Variants in HLCS observed in about 807,000 individuals in gnomAD.
HLCS encodes the protein biotin--protein ligase.
HLCS carries 53 observed loss-of-function variants against 75.0 expected under a neutral mutation model. That is an observed-to-expected ratio of 0.71 (90% CI 0.57 to 0.89). The LOEUF (loss-of-function observed/expected upper bound fraction) is 0.89. HLCS is among the 40% of genes least tolerant of loss of function. The probability of loss-of-function intolerance (pLI) is 0.00; values close to 1 mark genes in which losing one functional copy is unlikely to be tolerated. For missense variants in HLCS, 966 were observed against 1,074.0 expected (o/e 0.90, Z 1.41); for synonymous variants, 431 against 428.6 (o/e 1.01, Z -0.07).
At position 36,894,322 on chromosome 21, in the gene HLCS, G is replaced by A. The variant is rs146657405; in HGVS notation, c.1892+2538C>T. Among the ~76,000 whole-genome samples, 45 of 152,222 alleles carry A rather than the reference G, an allele frequency of 3.0e-4. No individual in the cohort carries two copies. In the East Asian group the frequency reaches 6.6e-3, roughly 22 times the overall value. The stretch of plus-strand genomic sequence containing the variant: ...CAGTTCTTTATAGCAATGCGAGAAC[G>A]AACTGATACACTCATGTAGGATCAA... On this transcript the variant is annotated intron_variant, in intron 6 of 10. Transcript: ENST00000674895.
intron 6 of HLCS, among the ~76,000 whole-genome samples, chr21:36,818,983 T>G (rs979354690): frequency 1.3e-5 from 2 of 152,256 alleles, no homozygotes; most frequent in Admixed American, 6.5e-5. Flanking sequence ...CCCTCAAGAC[T>G]GACTGCGACA....
At chr21:36,773,821 C>T (rs886732433) in intron 6 of HLCS, among the ~76,000 whole-genome samples, 2 of 152,184 alleles carry the variant, frequency 1.3e-5, no homozygotes, top group African/African-American at 4.8e-5. Flanking sequence ...AACCCTGCTG[C>T]CCTCTGCTTA....
At chr21:36,978,498 C>CA (rs35614243) in intron 1 of HLCS, among the ~76,000 whole-genome samples, 1,472 of 138,654 alleles carry the variant, frequency 0.011, 26 homozygotes, top group African/African-American at 0.032. Context: ...CCACCTCAAA[C>CA]AAAAAAAAAA....
chr21:36,815,889 G>A (rs1185534593), intron 6 of HLCS, among the ~76,000 whole-genome samples: 2 of 152,148 alleles, frequency 1.3e-5, no homozygotes, highest in Non-Finnish European at 2.9e-5. Context: ...TAGGAAAATG[G>A]TAATTATTCT....
chr21:36,864,663 T>C (rs2063496672), intron 6 of HLCS, among the ~76,000 whole-genome samples: 1 of 152,228 alleles, frequency 6.6e-6, no homozygotes, highest in African/African-American at 2.4e-5. Context: ...AAAATATAAA[T>C]GTTTTAAATT....
At chr21:36,985,162 A>G (rs2069203457) in intron 1 of HLCS, among the ~76,000 whole-genome samples, 1 of 152,262 alleles carries the variant, frequency 6.6e-6, no homozygotes, top group East Asian at 1.9e-4. Context: ...AGGTATCAGC[A>G]TCCATCCAAT....
intron 6 of HLCS, chr21:36,806,284 G>C (rs1360603243): frequency 6.6e-6 from 1 of 152,408 alleles, no homozygotes; most frequent in Non-Finnish European, 1.5e-5. Context: ...TTGGAGCTAG[G>C]AGACTGGGAA....
chr21:36,970,782 G>C (rs1188307977), upstream of HLCS, among the ~76,000 whole-genome samples: 2 of 152,092 alleles, frequency 1.3e-5, no homozygotes, highest in East Asian at 1.9e-4. Flanking sequence ...CACGAGGTCA[G>C]GAGATCGAGA....
chr21:36,775,661 C>T (rs56276907), intron 6 of HLCS, among the ~76,000 whole-genome samples: 1 of 151,862 alleles, frequency 6.6e-6, no homozygotes, highest in Non-Finnish European at 1.5e-5. Context: ...GATCTTCTCA[C>T]CCCCCTTTTC....
chr21:36,923,083 C>A (rs1490107155), intron 5 of HLCS, among the ~76,000 whole-genome samples: 4 of 152,212 alleles, frequency 2.6e-5, no homozygotes, highest in Non-Finnish European at 4.4e-5. Flanking sequence ...GGTCCTTGGC[C>A]CTGCACCTGA....
intron 5 of HLCS, among the ~76,000 whole-genome samples, chr21:36,909,963 C>T (rs2065629318): frequency 6.6e-6 from 1 of 152,178 alleles, no homozygotes; most frequent in East Asian, 1.9e-4. Flanking sequence ...ATTAGTTGTG[C>T]TTCAGTCATA....
intron 6 of HLCS, among the ~76,000 whole-genome samples, chr21:36,808,510 G>C (rs956373755): frequency 1.3e-5 from 2 of 152,170 alleles, no homozygotes; most frequent in African/African-American, 4.8e-5. Context: ...CCTACAGTCA[G>C]TACTGTACAA....
At chr21:36,770,141 CTTTT>C (rs902358188) in intron 6 of HLCS, among the ~76,000 whole-genome samples, 4 of 103,632 alleles carry the variant, frequency 3.9e-5, no homozygotes, top group Non-Finnish European at 5.6e-5. Flanking sequence ...ACTATAGATG[CTTTT>C]TTTTTTTTTT....
At chr21:36,755,028 A>G (rs936649573) in intron 10 of HLCS, among the ~76,000 whole-genome samples, 6 of 152,332 alleles carry the variant, frequency 3.9e-5, no homozygotes, top group African/African-American at 1.4e-4. Flanking sequence ...CCAAATGAAA[A>G]TATTTTCTGT....
intron 5 of HLCS, among the ~76,000 whole-genome samples, chr21:36,916,440 C>T (rs539034249): frequency 6.6e-5 from 10 of 151,818 alleles, no homozygotes; most frequent in African/African-American, 2.4e-4. Flanking sequence ...ACAAACTCAA[C>T]TCCCGGGCTC....
intron 6 of HLCS, among the ~76,000 whole-genome samples, chr21:36,861,266 A>G (rs1206576438): frequency 6.6e-6 from 1 of 152,100 alleles, no homozygotes; most frequent in African/African-American, 2.4e-5. Context: ...CCCTACCACA[A>G]GAGACTGCCC....
intron 6 of HLCS, among the ~76,000 whole-genome samples, chr21:36,775,678 T>G (rs8127419): frequency 1 from 152,257 of 152,258 alleles, 76,128 homozygotes; most frequent in Non-Finnish European, 1. Flanking sequence ...TTTCAGGCTG[T>G]TCAGATCTCA....
At chr21:36,762,766 C>T (rs1201856752) in intron 8 of HLCS, among the ~76,000 whole-genome samples, 4 of 152,192 alleles carry the variant, frequency 2.6e-5, no homozygotes, top group Non-Finnish European at 2.9e-5. Flanking sequence ...CACAAATTCC[C>T]CCGACCCCGT....
intron 2 of HLCS, among the ~76,000 whole-genome samples, chr21:36,955,874 C>A (rs919090439): frequency 1.3e-5 from 2 of 152,144 alleles, no homozygotes; most frequent in African/African-American, 4.8e-5. Context: ...TTTACTGTGC[C>A]TTTTCTATGT....
Sources: allele counts gnomAD v4.1 joint callset (sites outside exome capture counted in the v4.1 genomes callset), GRCh38; gene constraint gnomAD v4.1.1; transcripts MANE v1.5; gene names NCBI Gene and HGNC (gene_info 2026-07-23, HGNC 2026-07-21).